The following PSME3IP1 variants were observed in gnomAD, a reference collection of about 807,000 sequenced individuals.
The protein encoded by PSME3IP1 is proteasome activator subunit 3 interacting protein 1.
A neutral mutation model predicts 34.1 loss-of-function variants in PSME3IP1; 13 were observed. The observed-to-expected ratio is 0.38, with a 90% CI of 0.25 to 0.61. The LOEUF is 0.61. Among genes scored for constraint, PSME3IP1 ranks in the 20% least tolerant of loss-of-function variants. The probability of loss-of-function intolerance (pLI) is 0.60; values close to 1 mark genes in which losing one functional copy is unlikely to be tolerated. For synonymous variants in PSME3IP1, 93 were observed against 114.3 expected (o/e 0.81, Z 1.19); for missense variants, 237 against 301.4 (o/e 0.79, Z 1.58).
chr16:57,177,694 C>T (rs1317867497), intron 1 of PSME3IP1, among the ~76,000 whole-genome samples: 2 of 152,118 alleles, frequency 1.3e-5, no homozygotes, highest in Non-Finnish European at 2.9e-5. Flanking sequence ...TGCACACTTA[C>T]AAAAGTCTGC....
intron 1 of PSME3IP1, among the ~76,000 whole-genome samples, chr16:57,179,526 T>C (rs2073501950): frequency 6.6e-6 from 1 of 152,216 alleles, no homozygotes; most frequent in African/African-American, 2.4e-5. Flanking sequence ...ACTTACATTG[T>C]TGCTCCCCAA....
chr16:57,178,916 AG>A, intron 1 of PSME3IP1: 1 of 466,360 alleles, frequency 2.1e-6, no homozygotes, highest in Non-Finnish European at 2.8e-6. Context: ...CAAAGAAGCT[AG>A]AAAATTAGAT....
chr16:57,169,132 CCTT>C (rs1188034027), intron 4 of PSME3IP1, among the ~76,000 whole-genome samples: 2 of 152,028 alleles, frequency 1.3e-5, no homozygotes, highest in Non-Finnish European at 2.9e-5. Flanking sequence ...AGCAATTTTT[CCTT>C]CTTAAGCCCC....
At chr16:57,159,568 C>A (rs2145487465) in intron 6 of PSME3IP1, among the ~76,000 whole-genome samples, 1 of 152,280 alleles carries the variant, frequency 6.6e-6, no homozygotes, top group East Asian at 1.9e-4. Flanking sequence ...AGACGGAAAT[C>A]CTCCCACTGC....
intron 6 of PSME3IP1, among the ~76,000 whole-genome samples, chr16:57,158,908 T>C (rs1183552184): frequency 1.3e-5 from 2 of 152,180 alleles, no homozygotes; most frequent in African/African-American, 4.8e-5. Context: ...TGTAATACAA[T>C]GGTCAGTATT....
intron 5 of PSME3IP1, among the ~76,000 whole-genome samples, chr16:57,165,027 A>T (rs541149711): frequency 1.3e-5 from 2 of 148,338 alleles, no homozygotes; most frequent in South Asian, 4.2e-4. Flanking sequence ...CTCCAGCTCA[A>T]AAAAAAAAAA....
chr16:57,161,574 T>C lies in PSME3IP1; in HGVS notation c.547+2427A>G, dbSNP rs1000457437. ...TCACCCAGGCTGGAGTGCAGTGGCG[T>C]GATCTCTGCTCACTGCAAGCTCCAC... On this transcript the variant is annotated intron_variant, in intron 6 of 6. Transcript: ENST00000309137. Among the ~76,000 whole-genome samples the C allele has an allele frequency of 4.7e-5, 7 of 148,532 alleles. No homozygotes were observed. In the South Asian group the frequency reaches 6.4e-4, roughly 14 times the overall value.
chr16:57,182,612 AT>A (rs550199855), intron 1 of PSME3IP1, among the ~76,000 whole-genome samples: 196 of 105,220 alleles, frequency 1.9e-3, no homozygotes, highest in African/African-American at 3.2e-3. Context: ...GCCAACTAAG[AT>A]TTTTTTTTTT....
Position 57,170,214 on chromosome 16 carries a change from T to C in PSME3IP1, c.348+2037A>G, listed in dbSNP as rs556231701. ...TCTCCTGCCTCAGCCTCCTGAGTAGTTGGGACTACAGGCACAAGCCACCAT... is the reference window on the plus strand; with the variant it reads ...TCTCCTGCCTCAGCCTCCTGAGTAGCTGGGACTACAGGCACAAGCCACCAT... On this transcript the variant is annotated intron_variant, in intron 4 of 6. Coordinates refer to ENST00000309137, the MANE Select transcript of PSME3IP1 (RefSeq NM_024946.4). 7.9e-5 allele frequency among the ~76,000 whole-genome samples: 12 copies of C among 151,918 alleles called. No individual in the cohort carries two copies. The South Asian group carries it at 2.1e-3, about 26-fold the overall frequency.
intron 1 of PSME3IP1, among the ~76,000 whole-genome samples, chr16:57,180,702 A>C (rs1377019722): frequency 1.3e-5 from 2 of 152,166 alleles, no homozygotes; most frequent in African/African-American, 4.8e-5. Flanking sequence ...CCAGGAGTTC[A>C]AGACCTGCCT....
intron 4 of PSME3IP1, among the ~76,000 whole-genome samples, chr16:57,171,139 GGAGAGCTGAGCA>G (rs1419851933): frequency 2.5e-4 from 38 of 152,302 alleles, no homozygotes; most frequent in African/African-American, 8.9e-4. Context: ...TTTCTAAAAG[GGAGAGCTGAGCA>G]GAGGGCTGAG....
chr16:57,182,551 TA>T (rs10717048), intron 1 of PSME3IP1, among the ~76,000 whole-genome samples: 9,427 of 76,740 alleles, frequency 0.12, 384 homozygotes, highest in East Asian at 0.19. Flanking sequence ...CCATTTCCCT[TA>T]AAAAAAAAAA....
intron 4 of PSME3IP1, among the ~76,000 whole-genome samples, chr16:57,171,396 A>T (rs1457100914): frequency 6.6e-6 from 1 of 152,240 alleles, no homozygotes; most frequent in African/African-American, 2.4e-5. Context: ...CTTTAGTCTA[A>T]ATGTAAGGGG....
At chr16:57,173,030 C>A (rs1442877814) in intron 2 of PSME3IP1, among the ~76,000 whole-genome samples, 156 bp from the exon 3 acceptor site, 1 of 152,186 alleles carries the variant, frequency 6.6e-6, no homozygotes, top group African/African-American at 2.4e-5. Flanking sequence ...GTACAAAGTC[C>A]AGTTTCCCTT....
At chr16:57,163,077 A>C (rs1384582624) in intron 6 of PSME3IP1, among the ~76,000 whole-genome samples, 2 of 152,232 alleles carry the variant, frequency 1.3e-5, no homozygotes, top group Non-Finnish European at 2.9e-5. Context: ...AGGCAGGAGA[A>C]TTACTTGAGC....
chr16:57,184,934 G>A (rs1161578387), intron 1 of PSME3IP1, among the ~76,000 whole-genome samples: 14 of 152,192 alleles, frequency 9.2e-5, no homozygotes, highest in Admixed American at 9.2e-4. Flanking sequence ...TATCAAAAAG[G>A]AGTCTACCCA....
In PSME3IP1 at chr16:57,153,659, AGAG is replaced by A. The variant is rs2070173099; in HGVS notation, c.*628_*630del. Reference sequence around the variant, plus strand: ...TTCCTGCATAAATGGGGTTGGAGAGAGAGGAGAGAGGGAATGGCCAAGGGTATG... The same window carrying A: ...TTCCTGCATAAATGGGGTTGGAGAGAGAGAGAGGGAATGGCCAAGGGTATG... On this transcript the variant is annotated 3_prime_UTR_variant, in exon 7 of 7. Coordinates refer to ENST00000309137, the MANE Select transcript of PSME3IP1 (RefSeq NM_024946.4). 6.6e-6 allele frequency: 1 copy of A among 152,220 alleles called. No homozygotes were observed. Among genetic ancestry groups the A allele is most frequent in the Non-Finnish European group, 1.5e-5 (1 of 68,066 alleles). The allele number at this position is 152,220 out of a possible 1,614,324, so 9.4% of individuals were successfully genotyped here.
intron 6 of PSME3IP1, among the ~76,000 whole-genome samples, chr16:57,163,621 G>A (rs1352729428): frequency 2.6e-5 from 4 of 152,198 alleles, no homozygotes; most frequent in African/African-American, 7.2e-5. Context: ...CAATGAGCAG[G>A]AGCCAGGTAT....
Position 57,172,254 on chromosome 16 carries a change from G to A in PSME3IP1, c.345C>T (p.Tyr115=). The change falls in exon 4 of 7, where the codon TAC becomes TAT. Residue 115 remains tyrosine (Y), a synonymous_variant. Coordinates refer to ENST00000309137, the MANE Select transcript of PSME3IP1 (RefSeq NM_024946.4). ...TTCCTCCAAGTACAAAGGATATTCT[G>A]TATTCCTTCAGTTCTTTCAGTTCTT... is the stretch of plus-strand genomic sequence containing the variant. ...REEELKELKE[Y]RNNLKKVGIS... 6.2e-7 allele frequency: 1 copy of A among 1,612,582 alleles called. No individual in the cohort carries two copies. The highest frequency in any genetic ancestry group is 8.5e-7 in the Non-Finnish European group (1 of 1,179,880).
Sources: gnomAD v4.1 joint callset for allele counts (sites outside exome capture counted in the v4.1 genomes callset) on GRCh38, gnomAD v4.1.1 for gene constraint, MANE v1.5 for transcripts, NCBI Gene and HGNC (gene_info 2026-07-23, HGNC 2026-07-21) for gene names.